Variants in RAB28 observed in about 807,000 individuals in gnomAD.
RAB28 encodes the protein ras-related protein Rab-28.
Under a neutral mutation model 31.7 loss-of-function variants are expected in RAB28, and 24 were observed. That is an observed-to-expected ratio of 0.76 (90% CI 0.55 to 1.06). RAB28 has a LOEUF of 1.06. Among genes scored for constraint, RAB28 ranks in the 50% least tolerant of loss-of-function variants. RAB28 has a pLI of 0.00. For synonymous variants in RAB28, 100 were observed against 90.4 expected (o/e 1.11, Z -0.60); for missense variants, 254 against 258.5 (o/e 0.98, Z 0.12).
intron 2 of RAB28, among the ~76,000 whole-genome samples, chr4:13,475,436 A>G (rs1281187425): frequency 6.6e-6 from 1 of 151,654 alleles, no homozygotes; most frequent in East Asian, 1.9e-4. Flanking sequence ...TCTCATTTCA[A>G]AAAAAGATTA....
intron 4 of RAB28, among the ~76,000 whole-genome samples, chr4:13,417,116 A>G (rs1441301542): frequency 6.6e-6 from 1 of 152,210 alleles, no homozygotes; most frequent in Non-Finnish European, 1.5e-5. Context: ...TCCCATGCCT[A>G]TAGAGCCTTG....
At chr4:13,415,843 C>A (rs984815539) in intron 4 of RAB28, among the ~76,000 whole-genome samples, 7 of 152,224 alleles carry the variant, frequency 4.6e-5, no homozygotes, top group African/African-American at 1.4e-4. Flanking sequence ...GCCAGCTGGG[C>A]TCCTGACTGG....
At chr4:13,420,259 T>A (rs768340299) in intron 4 of RAB28, among the ~76,000 whole-genome samples, 71 of 152,064 alleles carry the variant, frequency 4.7e-4, no homozygotes, top group Non-Finnish European at 2.1e-4. Context: ...CCTGAGGCAA[T>A]AATTAATGGT....
chr4:13,460,547 A>T, intron 4 of RAB28, 152 bp downstream of exon 4: 1 of 873,782 alleles, frequency 1.1e-6, no homozygotes, highest in Non-Finnish European at 1.8e-6. Context: ...CACTCTCATG[A>T]CCTAATTACC....
intron 6 of RAB28, chr4:13,371,885 A>G (rs2108873756): frequency 6.6e-7 from 1 of 1,510,120 alleles, no homozygotes; most frequent in African/African-American, 1.4e-5. Flanking sequence ...GAAAAGAGTT[A>G]TATGGGTGAA....
chr4:13,444,758 C>T (rs1714611600), intron 4 of RAB28, among the ~76,000 whole-genome samples: 1 of 152,184 alleles, frequency 6.6e-6, no homozygotes, highest in South Asian at 2.1e-4. Flanking sequence ...AAAGCTTAAT[C>T]TTTAGACCTC....
intron 4 of RAB28, among the ~76,000 whole-genome samples, chr4:13,442,423 C>A (rs1160895895): frequency 2.0e-5 from 3 of 150,274 alleles, no homozygotes; most frequent in African/African-American, 7.3e-5. Flanking sequence ...CAAGAGCTTT[C>A]ACCATTCAGA....
intron 6 of RAB28, among the ~76,000 whole-genome samples, chr4:13,374,415 C>T (rs1350725738): frequency 2.0e-5 from 3 of 152,102 alleles, no homozygotes; most frequent in Admixed American, 2.0e-4. Context: ...GTTAATAAAG[C>T]TTCCCCCAAA....
At chr4:13,442,137 T>C (rs941790169) in intron 4 of RAB28, among the ~76,000 whole-genome samples, 3 of 152,230 alleles carry the variant, frequency 2.0e-5, no homozygotes, top group African/African-American at 7.2e-5. Context: ...GCATTCACGT[T>C]CACCATTTAC....
intron 5 of RAB28, among the ~76,000 whole-genome samples, chr4:13,378,252 T>C (rs1055433000): frequency 1.3e-5 from 2 of 152,184 alleles, no homozygotes; most frequent in Non-Finnish European, 2.9e-5. Flanking sequence ...CGTTGTATCC[T>C]GGAAGCTAAG....
intron 6 of RAB28, chr4:13,370,058 AG>A: frequency 6.7e-7 from 1 of 1,500,106 alleles, no homozygotes; most frequent in Non-Finnish European, 8.9e-7. Flanking sequence ...TGAATATAGA[AG>A]GAAACACCAA....
intron 5 of RAB28, among the ~76,000 whole-genome samples, chr4:13,380,488 A>T (rs1156297626): frequency 6.6e-6 from 1 of 151,650 alleles, no homozygotes; most frequent in Non-Finnish European, 1.5e-5. Context: ...AGTAAAAAGC[A>T]GAAAGTGAAT....
chr4:13,390,640 C>T (rs1233166520), intron 4 of RAB28, among the ~76,000 whole-genome samples: 1 of 148,472 alleles, frequency 6.7e-6, no homozygotes, highest in East Asian at 2.0e-4. Context: ...CATCAAACTA[C>T]CTGACTTCAA....
At chr4:13,381,328 A>G (rs1365177466) in intron 5 of RAB28, among the ~76,000 whole-genome samples, 163 bp downstream of exon 5, 1 of 152,156 alleles carries the variant, frequency 6.6e-6, no homozygotes, top group African/African-American at 2.4e-5. Context: ...ATAAATTATA[A>G]AAGTAATATA....
chr4:13,474,082 T>C lies in RAB28; in HGVS notation c.261+236A>G, dbSNP rs1488720537. 7.7e-6 allele frequency: 5 copies of C among 651,720 alleles called. No homozygotes were observed. The East Asian group carries it at 1.5e-4, about 20-fold the overall frequency. The allele number at this position is 651,720 out of a possible 1,614,324, so 40.4% of individuals were successfully genotyped here. On this transcript the variant is annotated intron_variant, in intron 3 of 6. Coordinates refer to ENST00000330852, the MANE Select transcript of RAB28 (RefSeq NM_001017979.3). The stretch of plus-strand genomic sequence containing the variant: ...AACTGCTAACAATAACACCTAGTAA[T>C]GTAAATAACATACGAAAGCTGTTCA...
intron 6 of RAB28, among the ~76,000 whole-genome samples, chr4:13,375,121 G>C (rs1301300245): frequency 1.3e-5 from 2 of 152,022 alleles, no homozygotes; most frequent in South Asian, 4.2e-4. Flanking sequence ...AAGGGCATTG[G>C]TGTCAGAGAG....
intron 4 of RAB28, among the ~76,000 whole-genome samples, chr4:13,459,373 C>T (rs1004162112): frequency 6.6e-6 from 1 of 152,154 alleles, no homozygotes; most frequent in Admixed American, 6.5e-5. Flanking sequence ...TACATCTATC[C>T]TATTAGTTCT....
intron 4 of RAB28, among the ~76,000 whole-genome samples, chr4:13,385,214 A>G (rs1377055823): frequency 1.3e-5 from 2 of 152,164 alleles, no homozygotes; most frequent in African/African-American, 4.8e-5. Context: ...AAAGAGAACA[A>G]ATCCACAACT....
rs552843715 is a variant in RAB28 at position 13,380,162 on chromosome 4, GC to G, written c.495+1328del. 3.1e-4 allele frequency among the ~76,000 whole-genome samples: 47 copies of G among 152,146 alleles called. No individual in the cohort carries two copies. In the South Asian group the frequency reaches 9.1e-3, roughly 30 times the overall value. On this transcript the variant is annotated intron_variant, in intron 5 of 6. Coordinates refer to ENST00000330852, the MANE Select transcript of RAB28 (RefSeq NM_001017979.3). ...AAAAGGCATGGATGGGTGAGTATGT[GC>G]CCATGTTCACATTGTCTGAGGGGAA...
Sources: gnomAD v4.1 joint callset for allele counts (sites outside exome capture counted in the v4.1 genomes callset) on GRCh38, gnomAD v4.1.1 for gene constraint, MANE v1.5 for transcripts, NCBI Gene and HGNC (gene_info 2026-07-23, HGNC 2026-07-21) for gene names.